SP140L: variants seen among roughly 807,000 people sequenced by gnomAD.
The protein encoded by SP140L is nuclear body protein SP140-like protein.
A neutral mutation model predicts 84.3 loss-of-function variants in SP140L; 64 were observed. The observed-to-expected ratio is 0.76, with a 90% CI of 0.62 to 0.94. The LOEUF (loss-of-function observed/expected upper bound fraction) is 0.94, where lower values mean the gene tolerates loss of function less well. SP140L is among the 40% of genes least tolerant of loss of function. The pLI is 0.00. For synonymous variants in SP140L, 242 were observed against 236.9 expected (o/e 1.02, Z -0.20); for missense variants, 628 against 692.5 (o/e 0.91, Z 1.05).
At chr2:230,365,621 T>C (rs577743155) in intron 5 of SP140L, among the ~76,000 whole-genome samples, 1 of 152,170 alleles carries the variant, frequency 6.6e-6, no homozygotes, top group East Asian at 1.9e-4. Context: ...TTCTAGTCTT[T>C]ATCTCATTTA....
chr2:230,339,895 TGAG>T (rs1191390228), intron 2 of SP140L, among the ~76,000 whole-genome samples: 38 of 149,524 alleles, frequency 2.5e-4, no homozygotes, highest in African/African-American at 8.2e-4. Flanking sequence ...TTACATTTGC[TGAG>T]GAGAGCTTTA....
chr2:230,397,611 G>A (rs2062109598), intron 14 of SP140L, among the ~76,000 whole-genome samples: 1 of 152,162 alleles, frequency 6.6e-6, no homozygotes, highest in Admixed American at 6.5e-5. Context: ...ATTGCAGTGA[G>A]ATGCCAATTT....
At chr2:230,366,260 A>C (rs894676312) in intron 5 of SP140L, among the ~76,000 whole-genome samples, 2 of 152,122 alleles carry the variant, frequency 1.3e-5, no homozygotes, top group Non-Finnish European at 2.9e-5. Flanking sequence ...CTCACCTACA[A>C]ATCTATTAAT....
Position 230,387,632 on chromosome 2 carries a change from A to T in SP140L, c.785-927A>T, listed in dbSNP as rs533280939. 4.6e-5 allele frequency among the ~76,000 whole-genome samples: 7 copies of T among 152,342 alleles called. No individual in the cohort carries two copies. In the East Asian group the frequency reaches 1.4e-3, roughly 29 times the overall value. On this transcript the variant is annotated intron_variant, in intron 9 of 18. Transcript: ENST00000415673. The stretch of plus-strand genomic sequence containing the variant: ...TGACCAGCATCCCTAGATGGTGGTC[A>T]TTGGATGGTGGACATCCAGCACAAG...
At chr2:230,343,657 A>ATCC (rs2060128183) in intron 2 of SP140L, among the ~76,000 whole-genome samples, 1 of 117,876 alleles carries the variant, frequency 8.5e-6, no homozygotes, top group Admixed American at 8.5e-5. Context: ...AGGAATTGCC[A>ATCC]CACTGTCTTC....
chr2:230,400,913 C>G (rs990713674), intron 15 of SP140L, 42 bp from the exon 16 acceptor site: 33 of 1,333,866 alleles, frequency 2.5e-5, no homozygotes, highest in Middle Eastern at 5.2e-4. Flanking sequence ...GTGGCCATTT[C>G]CAAGCTCCCT....
At chr2:230,342,459 C>A (rs930963237) in intron 2 of SP140L, among the ~76,000 whole-genome samples, 2 of 152,236 alleles carry the variant, frequency 1.3e-5, no homozygotes, top group Non-Finnish European at 2.9e-5. Flanking sequence ...TCTTCTGCGT[C>A]GCTCACGCTG....
intron 2 of SP140L, among the ~76,000 whole-genome samples, chr2:230,354,902 GA>G (rs1559420428): frequency 6.8e-5 from 7 of 103,512 alleles, no homozygotes; most frequent in African/African-American, 1.1e-4. Context: ...AGAAAGGAAA[GA>G]GAAAGAAGAA....
intron 2 of SP140L, among the ~76,000 whole-genome samples, chr2:230,352,361 G>A: frequency 6.6e-6 from 1 of 152,142 alleles, no homozygotes; most frequent in South Asian, 2.1e-4. Context: ...ATCATGACTA[G>A]GAGGTCTCAG....
rs141807705 is a variant in SP140L at position 230,397,700 on chromosome 2, A to G, written c.1197+902A>G. 2.6e-3 allele frequency among the ~76,000 whole-genome samples: 399 copies of G among 152,296 alleles called. 3 individuals are homozygous for G. Among genetic ancestry groups the G allele is most frequent in the African/African-American group, 9.3e-3 (388 of 41,560 alleles). On this transcript the variant is annotated intron_variant, in intron 14 of 18. Coordinates refer to ENST00000415673, the MANE Select transcript of SP140L (RefSeq NM_138402.6). Reference sequence around the variant, plus strand: ...TCATGCAATAGCACTGACACATAATAGTTAGCAGAGGAGGGATGCTCAAAT... The same window carrying G: ...TCATGCAATAGCACTGACACATAATGGTTAGCAGAGGAGGGATGCTCAAAT...
intron 2 of SP140L, among the ~76,000 whole-genome samples, chr2:230,335,026 A>G (rs1575428410): frequency 1.3e-5 from 2 of 152,042 alleles, no homozygotes; most frequent in East Asian, 3.8e-4. Flanking sequence ...TTCTCTGAAG[A>G]CATATCATTT....
intron 2 of SP140L, among the ~76,000 whole-genome samples, chr2:230,344,075 T>C (rs1332225745): frequency 6.6e-6 from 1 of 151,836 alleles, no homozygotes; most frequent in African/African-American, 2.4e-5. Flanking sequence ...TGAATATCTT[T>C]GTTTATTTTC....
chr2:230,387,950 A>G (rs1420040472), intron 9 of SP140L, among the ~76,000 whole-genome samples: 1 of 152,154 alleles, frequency 6.6e-6, no homozygotes, highest in Non-Finnish European at 1.5e-5. Flanking sequence ...CTTTCAGCAC[A>G]AGGGTACAAA....
intron 2 of SP140L, among the ~76,000 whole-genome samples, chr2:230,354,910 A>AAG (rs2060492915): frequency 7.3e-6 from 1 of 136,736 alleles, no homozygotes; most frequent in Non-Finnish European, 1.6e-5. Context: ...AAGAGAAAGA[A>AAG]GAAAGAAAAA....
At position 230,327,230 on chromosome 2, in the gene SP140L, G is replaced by C. The variant is rs904256387; in HGVS notation, c.-40G>C. 5 of 1,596,060 alleles carry C rather than the reference G, an allele frequency of 3.1e-6. No individual in the cohort carries two copies. Among genetic ancestry groups the C allele is most frequent in the African/African-American group, 2.7e-5 (2 of 74,704 alleles). On this transcript the variant is annotated 5_prime_UTR_variant, in exon 1 of 19. Coordinates refer to ENST00000415673, the MANE Select transcript of SP140L (RefSeq NM_138402.6). Reference sequence around the variant, plus strand: ...GGCTGGGCCGACTGGGGAGCTCATAGGCCAGGCTCTGACACCCAGGCAGGG... The same window carrying C: ...GGCTGGGCCGACTGGGGAGCTCATACGCCAGGCTCTGACACCCAGGCAGGG...
Position 230,359,138 on chromosome 2 carries a change from T to G in SP140L, c.439+6T>G. The G allele has an allele frequency of 6.2e-7, 1 of 1,604,744 alleles. No homozygotes were observed. Among genetic ancestry groups the G allele is most frequent in the Non-Finnish European group, 8.5e-7 (1 of 1,177,730 alleles). On this transcript the variant is annotated splice_donor_region_variant and intron_variant, in intron 4 of 18. Transcript: ENST00000415673. Reference sequence around the variant, plus strand: ...TTATAAAAGCTTCAAAAATGGTAATTAGGTTTATTATCTACCTTTTGATTT... The same window carrying G: ...TTATAAAAGCTTCAAAAATGGTAATGAGGTTTATTATCTACCTTTTGATTT...
chr2:230,401,744 C>T lies in SP140L; in HGVS notation c.1581C>T (p.Pro527=). The change falls in exon 18 of 19, where the codon CCC becomes CCT. Residue 527 remains proline (P), a synonymous_variant. Coordinates refer to ENST00000415673, the MANE Select transcript of SP140L (RefSeq NM_138402.6). The part of the protein sequence containing the change: ...IKKRLNEHGY[P]QVEGFVQDMR... The stretch of plus-strand genomic sequence containing the variant: ...AAAGGCTGAATGAGCACGGTTACCC[C>T]CAAGTGGAGGGGTTTGTACAAGACA... 1 of 1,551,520 alleles carries T rather than the reference C, an allele frequency of 6.4e-7. No individual in the cohort carries two copies. Among genetic ancestry groups the T allele is most frequent in the Non-Finnish European group, 8.7e-7 (1 of 1,143,462 alleles).
In SP140L at chr2:230,402,960, G is replaced by A. The variant is rs2062422493; in HGVS notation, c.*64G>A. ...TACTGGTTGCCACTGACTTCAAACTGAGAGCACTTGGGAAATAGCACATGC... is the reference window on the plus strand; with the variant it reads ...TACTGGTTGCCACTGACTTCAAACTAAGAGCACTTGGGAAATAGCACATGC... On this transcript the variant is annotated 3_prime_UTR_variant, in exon 19 of 19. Coordinates refer to ENST00000415673, the MANE Select transcript of SP140L (RefSeq NM_138402.6). 1 of 1,351,420 alleles carries A rather than the reference G, an allele frequency of 7.4e-7. No individual in the cohort carries two copies. Among genetic ancestry groups the A allele is most frequent in the African/African-American group, 1.5e-5 (1 of 67,662 alleles). 83.7% of individuals were successfully genotyped at this position (1,351,420 alleles called of 1,614,324 possible). A position where few individuals can be genotyped will look rare whatever the true frequency, so the allele number is the denominator to read the frequency against.
At chr2:230,399,140 T>G (rs1429552634) in intron 14 of SP140L, among the ~76,000 whole-genome samples, 1 of 152,250 alleles carries the variant, frequency 6.6e-6, no homozygotes, top group African/African-American at 2.4e-5. Flanking sequence ...TTCTTTGTCA[T>G]GAATACACTT....
Sources: allele counts gnomAD v4.1 joint callset (sites outside exome capture counted in the v4.1 genomes callset), GRCh38; gene constraint gnomAD v4.1.1; transcripts MANE v1.5; gene names NCBI Gene and HGNC (gene_info 2026-07-23, HGNC 2026-07-21).